The following HIBADH variants were observed in gnomAD, a reference collection of about 807,000 sequenced individuals.
HIBADH encodes 3-hydroxyisobutyrate dehydrogenase, mitochondrial.
Under a neutral mutation model 36.1 loss-of-function variants are expected in HIBADH, and 25 were observed. The ratio of observed to expected loss-of-function variants is 0.69; its 90% confidence interval spans 0.50 to 0.97. HIBADH has a LOEUF of 0.97. Ranked by LOEUF, HIBADH falls within the 50% of genes least tolerant of loss-of-function variation. The pLI, the probability that HIBADH is intolerant of heterozygous loss-of-function variation, is 0.00. For missense variants in HIBADH, 421 were observed against 418.0 expected (o/e 1.01, Z -0.06); for synonymous variants, 160 against 149.5 (o/e 1.07, Z -0.51).
intron 1 of HIBADH, among the ~76,000 whole-genome samples, chr7:27,661,113 A>G (rs1786407699): frequency 6.6e-6 from 1 of 152,154 alleles, no homozygotes; most frequent in Admixed American, 6.5e-5. Flanking sequence ...TTGTAGCTCA[A>G]TATATGAAGC....
intron 6 of HIBADH, among the ~76,000 whole-genome samples, chr7:27,534,169 A>T (rs1279619757): frequency 6.6e-6 from 1 of 152,238 alleles, no homozygotes; most frequent in Non-Finnish European, 1.5e-5. Flanking sequence ...ACTGCAAAAA[A>T]ATTTAAAAAA....
intron 4 of HIBADH, among the ~76,000 whole-genome samples, chr7:27,576,857 A>G (rs531350546): frequency 6.6e-6 from 1 of 152,252 alleles, no homozygotes; most frequent in South Asian, 2.1e-4. Context: ...GACTTCACTA[A>G]TTCTTTACTA....
chr7:27,602,535 CT>C (rs927819778), intron 4 of HIBADH, among the ~76,000 whole-genome samples: 3 of 152,088 alleles, frequency 2.0e-5, no homozygotes, highest in Admixed American at 2.0e-4. Context: ...CTTTTCATCC[CT>C]CTTGTTACCT....
chr7:27,579,254 T>A (rs868851970), intron 4 of HIBADH, among the ~76,000 whole-genome samples: 14 of 152,328 alleles, frequency 9.2e-5, no homozygotes, highest in South Asian at 2.1e-4. Flanking sequence ...AGACGATATA[T>A]ACTAAAAGTA....
intron 4 of HIBADH, among the ~76,000 whole-genome samples, chr7:27,600,429 G>A (rs941658959): frequency 3.3e-5 from 5 of 151,736 alleles, no homozygotes; most frequent in Admixed American, 3.3e-4. Flanking sequence ...CCAACCACAG[G>A]AAAAGAGTAA....
chr7:27,641,505 CAG>C (rs1785961236), intron 2 of HIBADH, among the ~76,000 whole-genome samples: 1 of 152,184 alleles, frequency 6.6e-6, no homozygotes, highest in Non-Finnish European at 1.5e-5. Context: ...CAAAAAGTTT[CAG>C]AGTTTCACAC....
At chr7:27,601,857 G>A (rs1485527298) in intron 4 of HIBADH, among the ~76,000 whole-genome samples, 1 of 152,074 alleles carries the variant, frequency 6.6e-6, no homozygotes, top group Non-Finnish European at 1.5e-5. Flanking sequence ...GATTACCTAT[G>A]TGAACTTTTT....
chr7:27,596,796 C>A (rs1785041057), intron 4 of HIBADH, among the ~76,000 whole-genome samples: 1 of 152,080 alleles, frequency 6.6e-6, no homozygotes, highest in South Asian at 2.1e-4. Flanking sequence ...TCCAAAAATC[C>A]AAAATCTGAA....
At chr7:27,582,015 A>C (rs2128287599) in intron 4 of HIBADH, among the ~76,000 whole-genome samples, 1 of 152,230 alleles carries the variant, frequency 6.6e-6, no homozygotes, top group East Asian at 1.9e-4. Context: ...CTCTCTTTGG[A>C]TGTAATTATT....
At chr7:27,600,134 C>A (rs1285431683) in intron 4 of HIBADH, among the ~76,000 whole-genome samples, 1 of 151,980 alleles carries the variant, frequency 6.6e-6, no homozygotes, top group Non-Finnish European at 1.5e-5. Flanking sequence ...ATGGTTTTCC[C>A]ATATCATCTC....
At chr7:27,644,284 T>C (rs1786015608) in intron 2 of HIBADH, among the ~76,000 whole-genome samples, 1 of 151,570 alleles carries the variant, frequency 6.6e-6, no homozygotes, top group Non-Finnish European at 1.5e-5. Flanking sequence ...GCCAACATGG[T>C]GAAACCCCGT....
intron 2 of HIBADH, among the ~76,000 whole-genome samples, chr7:27,647,183 G>A (rs77713479): frequency 2.6e-5 from 4 of 152,050 alleles, no homozygotes; most frequent in Non-Finnish European, 5.9e-5. Context: ...CACAACACCC[G>A]ATCACTGAGG....
At chr7:27,561,780 G>A (rs1784471992) in intron 4 of HIBADH, among the ~76,000 whole-genome samples, 2 of 151,994 alleles carry the variant, frequency 1.3e-5, no homozygotes, top group South Asian at 2.1e-4. Flanking sequence ...CATTTCTGAG[G>A]TTATTAGGTA....
At chr7:27,616,132 C>T (rs767486662) in intron 4 of HIBADH, among the ~76,000 whole-genome samples, 3 of 151,990 alleles carry the variant, frequency 2.0e-5, no homozygotes, top group South Asian at 2.1e-4. Flanking sequence ...GGAGCCAGCA[C>T]GTGCAGAGAT....
At chr7:27,660,618 T>C (rs1335636504) in intron 1 of HIBADH, among the ~76,000 whole-genome samples, 3 of 151,696 alleles carry the variant, frequency 2.0e-5, no homozygotes, top group African/African-American at 7.3e-5. Context: ...TGAGCTGAGA[T>C]TGCGCCAATG....
At chr7:27,576,477 CTG>C (rs1784712244) in intron 4 of HIBADH, among the ~76,000 whole-genome samples, 1 of 152,162 alleles carries the variant, frequency 6.6e-6, no homozygotes, top group Non-Finnish European at 1.5e-5. Flanking sequence ...AAAATCCACA[CTG>C]TAATTTATTG....
At chr7:27,590,469 C>T (rs1784923307) in intron 4 of HIBADH, among the ~76,000 whole-genome samples, 1 of 152,162 alleles carries the variant, frequency 6.6e-6, no homozygotes, top group Non-Finnish European at 1.5e-5. Context: ...CCCAAATTTC[C>T]AAACCATCTG....
At chr7:27,621,409 C>T (rs1242230718) in intron 4 of HIBADH, among the ~76,000 whole-genome samples, 2 of 152,162 alleles carry the variant, frequency 1.3e-5, no homozygotes, top group African/African-American at 2.4e-5. Flanking sequence ...CCAACAGTTG[C>T]AGAATATACA....
chr7:27,648,494 G>A (rs887402284), intron 2 of HIBADH, among the ~76,000 whole-genome samples: 5 of 152,168 alleles, frequency 3.3e-5, no homozygotes, highest in African/African-American at 1.2e-4. Flanking sequence ...GCATTTTTCA[G>A]TATTTACTTT....
Sources: gnomAD v4.1 joint callset for allele counts (sites outside exome capture counted in the v4.1 genomes callset) on GRCh38, gnomAD v4.1.1 for gene constraint, MANE v1.5 for transcripts, NCBI Gene and HGNC (gene_info 2026-07-23, HGNC 2026-07-21) for gene names.